The following FLRT2 variants were observed in gnomAD, a reference collection of about 807,000 sequenced individuals.
The protein encoded by FLRT2 is fibronectin leucine rich transmembrane protein 2.
In FLRT2, 15 loss-of-function variants were observed where a neutral mutation model predicts 40.0. The ratio of observed to expected loss-of-function variants is 0.38; its 90% CI spans 0.25 to 0.58. FLRT2 has a LOEUF of 0.58. Among genes scored for constraint, FLRT2 ranks in the 20% least tolerant of loss-of-function variants. The pLI is 0.71. For missense variants in FLRT2, 726 were observed against 840.0 expected, an observed-to-expected ratio of 0.86 and a Z score of 1.68; for synonymous variants, 380 against 336.8, an observed-to-expected ratio of 1.13 and a Z score of -1.41.
intron 1 of FLRT2, among the ~76,000 whole-genome samples, chr14:85,601,218 G>A (rs1158247901): frequency 6.6e-6 from 1 of 152,220 alleles, no homozygotes. Context: ...GAAACCAAGT[G>A]AAATAATGTT....
chr14:85,627,713 A>C lies in FLRT2; in HGVS notation c.*4216A>C, dbSNP rs1273531010. The C allele has an allele frequency of 6.0e-6, 1 of 167,098 alleles. No individual in the cohort carries two copies. The highest frequency in any genetic ancestry group is 2.4e-5 in the African/African-American group (1 of 41,450). 10.4% of individuals were successfully genotyped at this position (167,098 alleles called of 1,614,324 possible). On this transcript the variant is annotated 3_prime_UTR_variant, in exon 2 of 2. Coordinates refer to ENST00000330753, the MANE Select transcript of FLRT2 (RefSeq NM_013231.6). ...ATAGGACTAGTGTATATTCACTGAA[A>C]GTTAACCTGATGATTTGTTATTGTT... is the stretch of plus-strand genomic sequence containing the variant.
intron 1 of FLRT2, among the ~76,000 whole-genome samples, chr14:85,536,290 A>G (rs970412782): frequency 2.6e-5 from 4 of 152,022 alleles, no homozygotes; most frequent in Non-Finnish European, 5.9e-5. Flanking sequence ...CAGAAGCTTT[A>G]TTCTGTAGAG....
At chr14:85,540,347 T>C (rs1017996598) in intron 1 of FLRT2, among the ~76,000 whole-genome samples, 1 of 152,210 alleles carries the variant, frequency 6.6e-6, no homozygotes, top group African/African-American at 2.4e-5. Flanking sequence ...GTTAGTGTCA[T>C]TAAACCCTGT....
In FLRT2 at chr14:85,629,422, C is replaced by G. The variant is rs1245469373; in HGVS notation, c.*5925C>G. 6.6e-6 allele frequency: 1 copy of G among 152,102 alleles called. No homozygotes were observed. The highest frequency in any genetic ancestry group is 1.5e-5 in the Non-Finnish European group (1 of 68,024). The allele number at this position is 152,102 out of a possible 1,614,324, so 9.4% of individuals were successfully genotyped here. A position where few individuals can be genotyped will look rare whatever the true frequency, so the allele number is the denominator to read the frequency against. ...AGACATTTAAATTTTTATTAAGCAC[C>G]ACGATGGAACTCAATCTAAAGGAAT... On this transcript the variant is annotated 3_prime_UTR_variant, in exon 2 of 2. Transcript: ENST00000330753.
Position 85,623,211 on chromosome 14 carries a change from T to A in FLRT2, c.1697T>A (p.Met566Lys). The A allele has an allele frequency of 6.5e-7, 1 of 1,536,010 alleles. No individual in the cohort carries two copies. Among genetic ancestry groups the A allele is most frequent in the East Asian group, 2.3e-5 (1 of 44,210 alleles). ...TTGCTCAGCGTCTTTTGCTGGCATA[T>A]GCACAAAAAGGGGCGCTACACCTCC... is the stretch of plus-strand genomic sequence containing the variant. Reference protein sequence around the residue: ...VVLLSVFCWHMHKKGRYTSQK... With the variant: ...VVLLSVFCWHKHKKGRYTSQK... The change falls in exon 2 of 2, where the codon ATG (methionine) becomes AAG (lysine). Residue 566 changes from methionine (M) to lysine (K), a missense_variant. Met to Lys is a moderately conservative substitution (Grantham distance 95). Coordinates refer to ENST00000330753, the MANE Select transcript of FLRT2 (RefSeq NM_013231.6).
chr14:85,586,648 G>A (rs1036557559), intron 1 of FLRT2, among the ~76,000 whole-genome samples: 5 of 151,500 alleles, frequency 3.3e-5, no homozygotes, highest in East Asian at 3.9e-4. Context: ...TTGAAAATAC[G>A]GTATTTTGAT....
intron 1 of FLRT2, among the ~76,000 whole-genome samples, chr14:85,611,790 T>C (rs927274679): frequency 1.1e-4 from 16 of 152,330 alleles, no homozygotes; most frequent in African/African-American, 3.8e-4. Flanking sequence ...ATGAATGTTA[T>C]TTTTATTGAC....
At chr14:85,554,092 A>G (rs1317257863) in intron 1 of FLRT2, among the ~76,000 whole-genome samples, 1 of 152,174 alleles carries the variant, frequency 6.6e-6, no homozygotes, top group Non-Finnish European at 1.5e-5. Flanking sequence ...ATCTTATTTT[A>G]GTCTTTTTTA....
chr14:85,572,588 C>T (rs1890943407), intron 1 of FLRT2, among the ~76,000 whole-genome samples: 1 of 152,124 alleles, frequency 6.6e-6, no homozygotes, highest in Admixed American at 6.5e-5. Context: ...CAGTAGGCCT[C>T]GCTATTCTTT....
chr14:85,595,046 G>A (rs934148372), intron 1 of FLRT2, among the ~76,000 whole-genome samples: 2 of 152,150 alleles, frequency 1.3e-5, no homozygotes, highest in Admixed American at 6.6e-5. Flanking sequence ...AATAGGCTGA[G>A]GGGGAGGAGG....
At position 85,638,612 on chromosome 14, in the gene FLRT2, T is replaced by A. The variant is rs1216249643; in HGVS notation, c.*15115T>A. ...CTGCTACAGCCTACTTCACACTTCTTCTCAAGGCTGTCTTGAATTCCTCCA... is the reference window on the plus strand; with the variant it reads ...CTGCTACAGCCTACTTCACACTTCTACTCAAGGCTGTCTTGAATTCCTCCA... On this transcript the variant is annotated 3_prime_UTR_variant, in exon 2 of 2. Transcript: ENST00000330753. The A allele has an allele frequency of 6.6e-6, 1 of 152,230 alleles. No homozygotes were observed. Among genetic ancestry groups the A allele is most frequent in the Non-Finnish European group, 1.5e-5 (1 of 68,060 alleles). The allele number at this position is 152,230 out of a possible 1,614,324, so 9.4% of individuals were successfully genotyped here.
chr14:85,592,798 A>AAAG lies in FLRT2; in HGVS notation c.-376-28339_-376-28338insGAA, dbSNP rs1393270064. ...GAGCGAAACTCCGTCTCAAAAAAAAAAAAAAAAAAGAAAAAAAAGAAAACC... is the reference window on the plus strand; with the variant it reads ...GAGCGAAACTCCGTCTCAAAAAAAAAAAGAAAAAAAAAGAAAAAAAAGAAAACC... On this transcript the variant is annotated intron_variant, in intron 1 of 1. Transcript: ENST00000330753. Among the ~76,000 whole-genome samples, 376 of 102,842 alleles carry AAAG rather than the reference A, an allele frequency of 3.7e-3. 1 individual carries two copies. Among genetic ancestry groups the AAAG allele is most frequent in the Non-Finnish European group, 4.7e-3 (228 of 48,844 alleles). The allele number at this position is 102,842 out of a possible 152,430, so 67.5% of individuals were successfully genotyped here.
rs997812262 is a variant in FLRT2, at chr14:85,652,824, C to A, written c.*29327C>A. On this transcript the variant is annotated 3_prime_UTR_variant, in exon 2 of 2. Transcript: ENST00000330753. ...ATTATTTAAAAAAGTTTTTGCTTGG[C>A]AAATCTTCCCCTCTAGGAGATTAAA... The A allele has an allele frequency of 6.6e-6, 1 of 151,964 alleles. No homozygotes were observed. The highest frequency in any genetic ancestry group is 2.4e-5 in the African/African-American group (1 of 41,394). 9.4% of individuals were successfully genotyped at this position (151,964 alleles called of 1,614,324 possible). A position where few individuals can be genotyped will look rare whatever the true frequency, so the allele number is the denominator to read the frequency against.
intron 1 of FLRT2, among the ~76,000 whole-genome samples, chr14:85,543,806 C>G (rs564334838): frequency 6.6e-6 from 1 of 152,152 alleles, no homozygotes; most frequent in African/African-American, 2.4e-5. Flanking sequence ...TTAAGAGGCA[C>G]GTGGATGACA....
intron 1 of FLRT2, among the ~76,000 whole-genome samples, chr14:85,559,791 A>G (rs1239572430): frequency 6.6e-6 from 1 of 152,096 alleles, no homozygotes; most frequent in African/African-American, 2.4e-5. Flanking sequence ...TGTGCTGCCC[A>G]TTACCTCCGT....
At chr14:85,554,824 T>C (rs1889859041) in intron 1 of FLRT2, among the ~76,000 whole-genome samples, 1 of 152,198 alleles carries the variant, frequency 6.6e-6, no homozygotes, top group African/African-American at 2.4e-5. Flanking sequence ...GTCTGTATCA[T>C]TACAGGATGC....
At chr14:85,584,943 G>C (rs886275696) in intron 1 of FLRT2, among the ~76,000 whole-genome samples, 1 of 151,010 alleles carries the variant, frequency 6.6e-6, no homozygotes, top group African/African-American at 2.4e-5. Flanking sequence ...AGGGCGGGGG[G>C]AAGGTAGAAA....
chr14:85,565,699 T>C (rs550033978), intron 1 of FLRT2, among the ~76,000 whole-genome samples: 21 of 152,340 alleles, frequency 1.4e-4, no homozygotes, highest in African/African-American at 4.3e-4. Context: ...CGAGTTGTCA[T>C]GCTTGAAAGA....
At chr14:85,542,667 G>A (rs574434774) in intron 1 of FLRT2, among the ~76,000 whole-genome samples, 2 of 152,204 alleles carry the variant, frequency 1.3e-5, no homozygotes, top group Admixed American at 1.3e-4. Context: ...AAAATTCTTT[G>A]GGAAATGGTT....
Sources: allele counts gnomAD v4.1 joint callset (sites outside exome capture counted in the v4.1 genomes callset), GRCh38; gene constraint gnomAD v4.1.1; transcripts MANE v1.5; gene names NCBI Gene and HGNC (gene_info 2026-07-23, HGNC 2026-07-21).